Variants in TMEM132D observed in about 807,000 individuals in gnomAD.
The protein encoded by TMEM132D is transmembrane protein 132D.
A neutral mutation model predicts 62.3 loss-of-function variants in TMEM132D; 21 were observed. That is an observed-to-expected ratio of 0.34 (90% confidence interval 0.24 to 0.49). The LOEUF (loss-of-function observed/expected upper bound fraction) is 0.49. Ranked by LOEUF, TMEM132D falls within the 20% of genes least tolerant of loss-of-function variation. The probability of loss-of-function intolerance (pLI) is 0.99; values close to 1 mark genes in which losing one functional copy is unlikely to be tolerated. For synonymous variants in TMEM132D, 621 were observed against 575.6 expected (o/e 1.08, Z -1.13); for missense variants, 1,346 against 1,402.8 (o/e 0.96, Z 0.65).
rs2135611367 is a variant in TMEM132D, at chr12:129,078,653, T to C, written c.1996A>G (p.Thr666Ala). Reference protein sequence around the residue: ...ITVLDEKVTITDLGVQLVTGL... With the variant: ...ITVLDEKVTIADLGVQLVTGL... ...GTCACCAGCTGCACCCCGAGGTCTG[T>C]GATGGTCACCTTCTCGTCCAGCACA... Residue 666 changes from threonine to alanine, a missense_variant, in exon 8 of 9, where the codon ACA (threonine) becomes GCA (alanine). Coordinates refer to ENST00000422113, the MANE Select transcript of TMEM132D (RefSeq NM_133448.3). 7 of 1,614,176 alleles carry C rather than the reference T, an allele frequency of 4.3e-6. No homozygotes were observed. The highest frequency in any genetic ancestry group is 5.9e-6 in the Non-Finnish European group (7 of 1,180,022).
chr12:129,574,909 T>G (rs1877615832), intron 2 of TMEM132D, among the ~76,000 whole-genome samples: 1 of 151,664 alleles, frequency 6.6e-6, no homozygotes, highest in Admixed American at 6.6e-5. Flanking sequence ...GCAGCCGGAT[T>G]GCCAGGGAAA....
At chr12:129,078,322 T>C (rs557752871) in intron 8 of TMEM132D, among the ~76,000 whole-genome samples, 14 of 152,228 alleles carry the variant, frequency 9.2e-5, no homozygotes, top group Non-Finnish European at 1.8e-4. Flanking sequence ...TATGTATATA[T>C]GTATTTATTT....
intron 3 of TMEM132D, among the ~76,000 whole-genome samples, chr12:129,411,717 C>T (rs550098120): frequency 4.9e-4 from 75 of 152,312 alleles, no homozygotes; most frequent in African/African-American, 1.7e-3. Flanking sequence ...CCATAACCTT[C>T]TCTGAGGCTC....
chr12:129,719,921 G>A (rs962505378), intron 1 of TMEM132D, among the ~76,000 whole-genome samples: 4 of 152,080 alleles, frequency 2.6e-5, no homozygotes, highest in Non-Finnish European at 5.9e-5. Flanking sequence ...TTAACGGCTG[G>A]AATTTGCCAT....
At chr12:129,774,871 G>A (rs1029501676) in intron 1 of TMEM132D, among the ~76,000 whole-genome samples, 5 of 152,160 alleles carry the variant, frequency 3.3e-5, no homozygotes, top group Admixed American at 1.3e-4. Flanking sequence ...CCTTGGACAC[G>A]CTGAGTAATG....
At chr12:129,273,634 G>T (rs1880920527) in intron 4 of TMEM132D, among the ~76,000 whole-genome samples, 1 of 151,790 alleles carries the variant, frequency 6.6e-6, no homozygotes, top group Non-Finnish European at 1.5e-5. Flanking sequence ...GATGCAGCTG[G>T]AGGTCATTAT....
intron 1 of TMEM132D, among the ~76,000 whole-genome samples, chr12:129,778,493 T>C (rs1307302392): frequency 5.3e-5 from 8 of 152,178 alleles, no homozygotes; most frequent in Admixed American, 4.6e-4. Context: ...GAAAGACACG[T>C]GAGCACTTGG....
intron 3 of TMEM132D, among the ~76,000 whole-genome samples, chr12:129,398,698 G>T (rs1009291161): frequency 7.2e-5 from 11 of 152,190 alleles, no homozygotes; most frequent in African/African-American, 2.4e-4. Flanking sequence ...TCCAAATAAA[G>T]ATCTTCTGTT....
intron 5 of TMEM132D, among the ~76,000 whole-genome samples, chr12:129,093,875 C>T (rs936127444): frequency 9.6e-5 from 12 of 125,400 alleles, no homozygotes; most frequent in East Asian, 2.4e-4. Context: ...TCAGAAATGC[C>T]GCATATCTAC....
intron 2 of TMEM132D, among the ~76,000 whole-genome samples, chr12:129,556,955 C>G (rs1877080305): frequency 6.6e-6 from 1 of 152,196 alleles, no homozygotes; most frequent in East Asian, 1.9e-4. Flanking sequence ...CCCTCCTAAG[C>G]TGCAAAGGTT....
At position 129,457,459 on chromosome 12, in the gene TMEM132D, G is replaced by T. The variant is rs1258896820; in HGVS notation, c.1115+73600C>A. ...CTGTTGTGGGGTAGGGGGGAGGGGA[G>T]AGGGATGGCATTAGGAGATATACCT... On this transcript the variant is annotated intron_variant, in intron 3 of 8. Coordinates refer to ENST00000422113, the MANE Select transcript of TMEM132D (RefSeq NM_133448.3). Among the ~76,000 whole-genome samples, 3 of 131,604 alleles carry T rather than the reference G, an allele frequency of 2.3e-5. 1 individual carries two copies. Among genetic ancestry groups the T allele is most frequent in the Non-Finnish European group, 4.9e-5 (3 of 61,744 alleles). The allele number at this position is 131,604 out of a possible 152,430, so 86.3% of individuals were successfully genotyped here.
At chr12:129,185,785 A>G (rs61944831) in intron 5 of TMEM132D, among the ~76,000 whole-genome samples, 276 of 16,086 alleles carry the variant, frequency 0.017, no homozygotes, top group South Asian at 0.045. Context: ...CTATCTATCT[A>G]TCTATCTATC....
chr12:129,150,956 C>G (rs1020244213), intron 5 of TMEM132D, among the ~76,000 whole-genome samples: 3 of 152,178 alleles, frequency 2.0e-5, no homozygotes, highest in African/African-American at 7.2e-5. Flanking sequence ...GGTGGCCAGG[C>G]CTGCCCTGTT....
At chr12:129,629,507 T>A (rs539390982) in intron 2 of TMEM132D, among the ~76,000 whole-genome samples, 1 of 152,188 alleles carries the variant, frequency 6.6e-6, no homozygotes, top group African/African-American at 2.4e-5. Context: ...CTAGGAGGCA[T>A]CTTCCTTGAT....
In TMEM132D at chr12:129,841,262, G is replaced by A. The variant is rs11060577; in HGVS notation, c.79+61999C>T. Among the ~76,000 whole-genome samples the A allele has an allele frequency of 8.3e-3, 1,255 of 150,696 alleles. 47 individuals are homozygous for A. The East Asian group carries it at 0.11, about 13-fold the overall frequency. The stretch of plus-strand genomic sequence containing the variant: ...CTTGGAGAGCATCAAATCTCAAAAG[G>A]AAGAAAGAAAAGATTCACATAATTC... On this transcript the variant is annotated intron_variant, in intron 1 of 8. Transcript: ENST00000422113.
At chr12:129,431,164 C>T (rs1054674201) in intron 3 of TMEM132D, among the ~76,000 whole-genome samples, 2 of 152,218 alleles carry the variant, frequency 1.3e-5, no homozygotes, top group African/African-American at 4.8e-5. Context: ...ATTTAGTTCT[C>T]ACAAGTAGCC....
intron 5 of TMEM132D, among the ~76,000 whole-genome samples, chr12:129,113,724 T>G (rs1355498655): frequency 1.3e-5 from 2 of 150,860 alleles, no homozygotes; most frequent in Non-Finnish European, 2.9e-5. Context: ...GCAAAGTAAG[T>G]ATCAGGGGCA....
At chr12:129,690,303 C>T (rs2137216253) in intron 2 of TMEM132D, among the ~76,000 whole-genome samples, 1 of 151,284 alleles carries the variant, frequency 6.6e-6, no homozygotes, top group Non-Finnish European at 1.5e-5. Context: ...ACAAAGAACA[C>T]ATGAAATTAA....
chr12:129,146,098 C>G (rs1018946577), intron 5 of TMEM132D, among the ~76,000 whole-genome samples: 1 of 151,172 alleles, frequency 6.6e-6, no homozygotes. Flanking sequence ...TCTCTCGTAG[C>G]GAGAACTTTT....
Sources: gnomAD v4.1 joint callset for allele counts (sites outside exome capture counted in the v4.1 genomes callset) on GRCh38, gnomAD v4.1.1 for gene constraint, MANE v1.5 for transcripts, NCBI Gene and HGNC (gene_info 2026-07-23, HGNC 2026-07-21) for gene names.